The following GSE1 variants were observed in gnomAD, a reference collection of about 807,000 sequenced individuals.
GSE1 encodes the protein Gse1 coiled-coil protein.
In GSE1, 32 loss-of-function variants were observed where a neutral mutation model predicts 112.6. The ratio of observed to expected loss-of-function variants is 0.28; its 90% confidence interval spans 0.21 to 0.38. The LOEUF is 0.38. Among genes scored for constraint, GSE1 ranks in the 10% least tolerant of loss-of-function variants. The probability of loss-of-function intolerance (pLI) is 1.00; values close to 1 mark genes in which losing one functional copy is unlikely to be tolerated. For synonymous variants in GSE1, 1,115 were observed against 735.6 expected (o/e 1.52, Z -8.35); for missense variants, 2,348 against 1,699.2 (o/e 1.38, Z -6.71).
chr16:85,305,170 CA>C (rs1567676196), intron 1 of GSE1, among the ~76,000 whole-genome samples: 3 of 152,230 alleles, frequency 2.0e-5, no homozygotes, highest in Non-Finnish European at 2.9e-5. Flanking sequence ...ATGACTGGAG[CA>C]GGGTCTACAC....
intron 1 of GSE1, among the ~76,000 whole-genome samples, chr16:85,312,831 C>G (rs2045891568): frequency 6.6e-6 from 1 of 151,912 alleles, no homozygotes; most frequent in Admixed American, 6.5e-5. Flanking sequence ...CAGGTTGACA[C>G]TGGCCTCAGA....
chr16:85,417,491 TG>T (rs1055618746), intron 2 of GSE1, among the ~76,000 whole-genome samples: 34 of 152,302 alleles, frequency 2.2e-4, no homozygotes, highest in African/African-American at 7.2e-4. Flanking sequence ...TCTAAGTGCC[TG>T]TGGTTTTAGA....
intron 2 of GSE1, among the ~76,000 whole-genome samples, chr16:85,528,431 C>T (rs983149970): frequency 1.3e-5 from 2 of 152,164 alleles, no homozygotes; most frequent in East Asian, 1.9e-4. Flanking sequence ...CCCACCTCAG[C>T]CTCCCGGGTA....
intron 2 of GSE1, among the ~76,000 whole-genome samples, chr16:85,439,145 G>A (rs1036764237): frequency 2.6e-5 from 4 of 152,234 alleles, no homozygotes; most frequent in East Asian, 1.9e-4. Flanking sequence ...CTGCAGACCC[G>A]GGGGACGTGC....
intron 1 of GSE1, among the ~76,000 whole-genome samples, chr16:85,318,582 G>C (rs1275521422): frequency 6.6e-6 from 1 of 152,182 alleles, no homozygotes; most frequent in Non-Finnish European, 1.5e-5. Flanking sequence ...CCATAAAATG[G>C]GGCTGACGAT....
intron 1 of GSE1, among the ~76,000 whole-genome samples, chr16:85,246,471 GCA>G (rs143143067): frequency 0.24 from 8,751 of 36,622 alleles, 1,589 homozygotes; most frequent in South Asian, 0.36. Flanking sequence ...CCCACACGCT[GCA>G]CACACACACA....
At chr16:85,645,047 G>A (rs573098058) in intron 2 of GSE1, among the ~76,000 whole-genome samples, 56 of 151,678 alleles carry the variant, frequency 3.7e-4, no homozygotes, top group African/African-American at 1.3e-3. Flanking sequence ...TGAGGTGAGG[G>A]GCGTGGTGCC....
chr16:85,615,637 CAGTG>C (rs555432967), intron 1 of GSE1, among the ~76,000 whole-genome samples: 283 of 152,276 alleles, frequency 1.9e-3, no homozygotes, highest in Non-Finnish European at 3.0e-3. Flanking sequence ...GTTCTAGGCA[CAGTG>C]AGGCTGAGCT....
chr16:85,552,670 C>G (rs530681660), upstream of GSE1, among the ~76,000 whole-genome samples: 1 of 152,332 alleles, frequency 6.6e-6, no homozygotes, highest in East Asian at 1.9e-4. Flanking sequence ...GTGATCTTGC[C>G]TGGAAGCCAG....
chr16:85,354,269 C>G (rs1439274721), intron 1 of GSE1, among the ~76,000 whole-genome samples: 1 of 152,226 alleles, frequency 6.6e-6, no homozygotes, highest in East Asian at 1.9e-4. Context: ...AAGTTACAGA[C>G]AACTGCTTCA....
At chr16:85,556,246 T>C (rs1401178104) in exon 1 of GSE1, 8 of 983,858 alleles carry the variant, frequency 8.1e-6, no homozygotes, top group Non-Finnish European at 2.4e-6. Flanking sequence ...GCTTGAACGG[T>C]GCTTTTTGTT....
chr16:85,633,094 C>T (rs1465865894), intron 1 of GSE1, among the ~76,000 whole-genome samples: 3 of 152,182 alleles, frequency 2.0e-5, no homozygotes, highest in African/African-American at 7.2e-5. Context: ...GAACTTGGCC[C>T]TGGGAGGAAA....
intron 1 of GSE1, among the ~76,000 whole-genome samples, chr16:85,208,318 C>A (rs1040919404): frequency 8.5e-5 from 13 of 152,308 alleles, no homozygotes; most frequent in African/African-American, 3.1e-4. Context: ...ATCAGTGCTC[C>A]CTGAACGGTC....
At chr16:85,423,573 G>A (rs1348627296) in intron 2 of GSE1, among the ~76,000 whole-genome samples, 3 of 152,110 alleles carry the variant, frequency 2.0e-5, no homozygotes, top group Non-Finnish European at 4.4e-5. Flanking sequence ...GCACTAACAT[G>A]GGAACCCCAA....
At chr16:85,354,680 T>G (rs947804441) in intron 1 of GSE1, among the ~76,000 whole-genome samples, 12 of 152,322 alleles carry the variant, frequency 7.9e-5, no homozygotes, top group Admixed American at 6.5e-4. Context: ...GCCCATCCCC[T>G]GGGGGCTTGA....
At chr16:85,392,386 A>G (rs764668189) in intron 2 of GSE1, among the ~76,000 whole-genome samples, 28 of 152,348 alleles carry the variant, frequency 1.8e-4, no homozygotes, top group African/African-American at 5.3e-4. Context: ...GGCTATACTT[A>G]TGCTCTTAAA....
intron 1 of GSE1, among the ~76,000 whole-genome samples, chr16:85,626,159 A>T (rs2049054556): frequency 1.3e-5 from 2 of 152,092 alleles, no homozygotes; most frequent in South Asian, 4.1e-4. Context: ...ATTAAGGCAC[A>T]AGCAGGCTGC....
At chr16:85,480,527 G>A (rs554457637) in intron 2 of GSE1, among the ~76,000 whole-genome samples, 3 of 152,294 alleles carry the variant, frequency 2.0e-5, no homozygotes, top group East Asian at 1.9e-4. Context: ...AGGGACACCC[G>A]TTCTTTGTCC....
intron 2 of GSE1, among the ~76,000 whole-genome samples, chr16:85,642,674 T>C (rs2050539449): frequency 6.6e-6 from 1 of 152,240 alleles, no homozygotes; most frequent in Admixed American, 6.5e-5. Context: ...AGGGACCCTC[T>C]TTAGGGAAGC....
Sources: allele counts gnomAD v4.1 joint callset (sites outside exome capture counted in the v4.1 genomes callset), GRCh38; gene constraint gnomAD v4.1.1; transcripts MANE v1.5; gene names NCBI Gene and HGNC (gene_info 2026-07-23, HGNC 2026-07-21).